RALGPS1: variants seen among roughly 807,000 people sequenced by gnomAD.
RALGPS1 encodes the protein Ral GEF with PH domain and SH3 binding motif 1.
In RALGPS1, 19 loss-of-function variants were observed where a neutral mutation model predicts 78.8. The observed-to-expected ratio is 0.24, with a 90% CI of 0.17 to 0.35. The LOEUF is 0.35. Ranked by LOEUF, RALGPS1 falls within the 10% of genes least tolerant of loss-of-function variation. RALGPS1 has a pLI of 1.00. For missense variants in RALGPS1, 454 were observed against 688.3 expected (o/e 0.66, Z 3.81); for synonymous variants, 228 against 256.3 (o/e 0.89, Z 1.06).
intron 1 of RALGPS1, among the ~76,000 whole-genome samples, chr9:126,922,201 G>A (rs2034835748): frequency 6.6e-6 from 1 of 152,166 alleles, no homozygotes; most frequent in African/African-American, 2.4e-5. Flanking sequence ...TAAATGATTG[G>A]TCTTTAATAT....
chr9:127,062,220 C>G (rs984110344), intron 7 of RALGPS1, among the ~76,000 whole-genome samples: 6 of 152,114 alleles, frequency 3.9e-5, no homozygotes, highest in African/African-American at 1.4e-4. Context: ...GCCTCAGCCT[C>G]TCAAGTAGCT....
intron 4 of RALGPS1, among the ~76,000 whole-genome samples, chr9:126,998,699 C>A (rs2043002530): frequency 6.6e-6 from 1 of 152,108 alleles, no homozygotes; most frequent in Non-Finnish European, 1.5e-5. Flanking sequence ...AATCATGCTG[C>A]TATAAAGACA....
intron 10 of RALGPS1, among the ~76,000 whole-genome samples, chr9:127,172,752 C>T (rs889633745): frequency 1.1e-4 from 16 of 152,078 alleles, no homozygotes; most frequent in African/African-American, 3.9e-4. Flanking sequence ...TTTAGCATCT[C>T]ATTTTTCGGG....
intron 8 of RALGPS1, among the ~76,000 whole-genome samples, chr9:127,120,411 C>G (rs1208245102): frequency 6.6e-6 from 1 of 152,188 alleles, no homozygotes; most frequent in Admixed American, 6.5e-5. Context: ...ATAAAGCCCC[C>G]CTCTCCTCAG....
chr9:127,059,832 C>G (rs866046785), intron 7 of RALGPS1, among the ~76,000 whole-genome samples: 1 of 152,098 alleles, frequency 6.6e-6, no homozygotes, highest in Non-Finnish European at 1.5e-5. Flanking sequence ...CCAGAAGACT[C>G]TCTTAACAGA....
At chr9:127,017,483 G>A (rs1208403057) in intron 4 of RALGPS1, among the ~76,000 whole-genome samples, 1 of 152,192 alleles carries the variant, frequency 6.6e-6, no homozygotes, top group African/African-American at 2.4e-5. Context: ...GGTCAGTGGT[G>A]AGTGAATGTA....
chr9:126,925,716 A>G (rs1028222184), intron 1 of RALGPS1, among the ~76,000 whole-genome samples: 1 of 152,168 alleles, frequency 6.6e-6, no homozygotes, highest in African/African-American at 2.4e-5. Context: ...TAAAAAAAAA[A>G]TTATAGCACT....
chr9:127,188,832 T>TAAAAAAAAAAA (rs202172226), intron 11 of RALGPS1, among the ~76,000 whole-genome samples: 25 of 87,468 alleles, frequency 2.9e-4, no homozygotes, highest in African/African-American at 9.4e-4. Context: ...CCATCTCTAC[T>TAAAAAAAAAAA]AAAAAAAAAA....
chr9:127,030,788 G>T (rs927675672), intron 4 of RALGPS1, among the ~76,000 whole-genome samples: 6 of 152,100 alleles, frequency 3.9e-5, no homozygotes, highest in African/African-American at 1.2e-4. Flanking sequence ...TGGGATGGGG[G>T]CAGGAAGAGA....
intron 3 of RALGPS1, among the ~76,000 whole-genome samples, chr9:126,968,320 A>G (rs971417961): frequency 6.6e-6 from 1 of 152,170 alleles, no homozygotes; most frequent in South Asian, 2.1e-4. Context: ...TTCAATTCTT[A>G]CAACAACTCA....
chr9:126,981,698 A>G (rs746827452), intron 4 of RALGPS1, among the ~76,000 whole-genome samples: 26 of 152,194 alleles, frequency 1.7e-4, no homozygotes, highest in Non-Finnish European at 3.5e-4. Flanking sequence ...TGTTTTATAT[A>G]TGAGGAAGCT....
At chr9:127,162,876 G>A (rs2059100729) in intron 8 of RALGPS1, among the ~76,000 whole-genome samples, 1 of 152,226 alleles carries the variant, frequency 6.6e-6, no homozygotes, top group Non-Finnish European at 1.5e-5. Context: ...CAGTGGATGG[G>A]AACATGGGTG....
chr9:127,000,452 G>A (rs1297032192), intron 4 of RALGPS1, among the ~76,000 whole-genome samples: 1 of 148,212 alleles, frequency 6.7e-6, no homozygotes, highest in Non-Finnish European at 1.5e-5. Flanking sequence ...TTTGACCCAT[G>A]AACTATTAAA....
rs984961057 is a variant in RALGPS1 at position 127,178,430 on chromosome 9, G to A, written c.910+3648G>A. On this transcript the variant is annotated intron_variant, in intron 11 of 18. Coordinates refer to ENST00000259351, the MANE Select transcript of RALGPS1 (RefSeq NM_014636.3). ...GGCATAAAATCTTCCTCCTTCACAGGGTAGTGTTGTTATTAGCACAGTGCG... is the reference window on the plus strand; with the variant it reads ...GGCATAAAATCTTCCTCCTTCACAGAGTAGTGTTGTTATTAGCACAGTGCG... The A allele has an allele frequency of 1.3e-5, 14 of 1,051,570 alleles. No individual in the cohort carries two copies. The Admixed American group carries it at 3.4e-4, about 25-fold the overall frequency. The allele number at this position is 1,051,570 out of a possible 1,614,324, so 65.1% of individuals were successfully genotyped here.
At chr9:126,924,388 T>A (rs986918665) in intron 1 of RALGPS1, among the ~76,000 whole-genome samples, 3 of 152,230 alleles carry the variant, frequency 2.0e-5, no homozygotes, top group Non-Finnish European at 4.4e-5. Context: ...AACATGATAA[T>A]CATTTCAGGG....
chr9:127,124,626 G>A (rs1556889), intron 8 of RALGPS1, among the ~76,000 whole-genome samples: 3,774 of 152,298 alleles, frequency 0.025, 59 homozygotes, highest in Middle Eastern at 0.051. Flanking sequence ...GGATAGACTC[G>A]GGCAAGAGCA....
intron 1 of RALGPS1, among the ~76,000 whole-genome samples, chr9:126,950,551 G>A (rs976547878): frequency 1.3e-5 from 2 of 152,012 alleles, no homozygotes; most frequent in African/African-American, 2.4e-5. Context: ...TGAACAACCT[G>A]CTCCTGAATG....
intron 4 of RALGPS1, among the ~76,000 whole-genome samples, chr9:127,010,970 C>T (rs1439554109): frequency 1.3e-5 from 2 of 152,038 alleles, no homozygotes; most frequent in African/African-American, 2.4e-5. Flanking sequence ...TATCAGTGGC[C>T]CATCTGGGTC....
chr9:127,095,546 G>A (rs1468204220), intron 8 of RALGPS1, among the ~76,000 whole-genome samples: 1 of 152,222 alleles, frequency 6.6e-6, no homozygotes, highest in Non-Finnish European at 1.5e-5. Context: ...ATGCGGTGCT[G>A]GGCAGCGGAA....
Sources: allele counts gnomAD v4.1 joint callset (sites outside exome capture counted in the v4.1 genomes callset), GRCh38; gene constraint gnomAD v4.1.1; transcripts MANE v1.5; gene names NCBI Gene and HGNC (gene_info 2026-07-23, HGNC 2026-07-21).